PDE4D: variants seen among roughly 807,000 people sequenced by gnomAD.
PDE4D encodes the protein 3',5'-cyclic-AMP phosphodiesterase 4D.
Under a neutral mutation model 87.4 loss-of-function variants are expected in PDE4D, and 24 were observed. The ratio of observed to expected loss-of-function variants is 0.27; its 90% CI spans 0.20 to 0.39. PDE4D has a LOEUF of 0.39. PDE4D is among the 10% of genes least tolerant of loss of function. The probability of loss-of-function intolerance (pLI) is 1.00; values close to 1 mark genes in which losing one functional copy is unlikely to be tolerated. For synonymous variants in PDE4D, 384 were observed against 383.2 expected (o/e 1.00, Z -0.02); for missense variants, 714 against 1,041.0 (o/e 0.69, Z 4.32).
intron 1 of PDE4D, among the ~76,000 whole-genome samples, chr5:59,668,851 A>AAGAG (rs1561441298): frequency 1.6e-4 from 12 of 75,820 alleles, no homozygotes; most frequent in Admixed American, 4.5e-4. Flanking sequence ...AAGAGGAAGA[A>AAGAG]GAAGAAGAAG....
At chr5:60,457,924 TGTTTA>T (rs1299866284) in intron 1 of PDE4D, among the ~76,000 whole-genome samples, 1 of 152,208 alleles carries the variant, frequency 6.6e-6, no homozygotes, top group Non-Finnish European at 1.5e-5. Context: ...CCGATTGATT[TGTTTA>T]TTCAGTTAAC....
chr5:60,382,275 T>A (rs1196445717), intron 1 of PDE4D, among the ~76,000 whole-genome samples: 1 of 152,178 alleles, frequency 6.6e-6, no homozygotes, highest in African/African-American at 2.4e-5. Context: ...TTCATGTATC[T>A]ATGTGGCTAA....
chr5:59,738,496 GAAT>G (rs1321009456), intron 1 of PDE4D, among the ~76,000 whole-genome samples: 1 of 151,926 alleles, frequency 6.6e-6, no homozygotes, highest in Non-Finnish European at 1.5e-5. Context: ...TGTCTCTTTT[GAAT>G]ACACACCTAT....
intron 1 of PDE4D, among the ~76,000 whole-genome samples, chr5:59,890,383 T>A (rs1213840243): frequency 2.0e-5 from 3 of 152,218 alleles, no homozygotes; most frequent in African/African-American, 7.2e-5. Flanking sequence ...CTTTCATAAG[T>A]ATTTATATGC....
intron 1 of PDE4D, among the ~76,000 whole-genome samples, chr5:59,863,291 T>C (rs561864996): frequency 6.6e-6 from 1 of 152,308 alleles, no homozygotes; most frequent in Non-Finnish European, 1.5e-5. Context: ...AGAGTATATT[T>C]TCCTTTTATC....
intron 1 of PDE4D, among the ~76,000 whole-genome samples, chr5:60,226,932 C>T (rs1317403231): frequency 1.3e-5 from 2 of 151,992 alleles, no homozygotes; most frequent in Non-Finnish European, 2.9e-5. Context: ...TAATTCTAAC[C>T]TCGCCATCCC....
At chr5:60,340,162 C>T (rs981247860) in intron 1 of PDE4D, among the ~76,000 whole-genome samples, 1 of 151,520 alleles carries the variant, frequency 6.6e-6, no homozygotes, top group Non-Finnish European at 1.5e-5. Flanking sequence ...GCCCACGGCG[C>T]GATGTTCAGG....
At chr5:59,304,104 G>A (rs1300691011) in intron 1 of PDE4D, among the ~76,000 whole-genome samples, 1 of 151,560 alleles carries the variant, frequency 6.6e-6, no homozygotes, top group African/African-American at 2.4e-5. Context: ...GAAGTCTCTC[G>A]ACTCCTTTGT....
chr5:59,215,975 A>G lies in PDE4D; in HGVS notation c.456-7T>C, dbSNP rs760903609. On this transcript the variant is annotated splice_region_variant and splice_polypyrimidine_tract_variant and intron_variant, in intron 1 of 14. Transcript: ENST00000340635. ...GCCATTGTCCACATCAAAACTGTAA[A>G]GGAAGGAGAAGGAATTATGTTGCTG... 8 of 1,594,640 alleles carry G rather than the reference A, an allele frequency of 5.0e-6. No individual in the cohort carries two copies. Among genetic ancestry groups the G allele is most frequent in the Non-Finnish European group, 6.0e-6 (7 of 1,166,170 alleles).
chr5:60,398,106 T>C (rs2961773), intron 1 of PDE4D, among the ~76,000 whole-genome samples: 1 of 152,132 alleles, frequency 6.6e-6, no homozygotes, highest in African/African-American at 2.4e-5. Context: ...TTTTTTAATC[T>C]TCTATGGTTG....
At position 59,684,100 on chromosome 5, in the gene PDE4D, A is replaced by G. The variant is rs16890103; in HGVS notation, c.455+209068T>C. Among the ~76,000 whole-genome samples the G allele has an allele frequency of 6.3e-3, 962 of 152,270 alleles. 11 individuals carry two copies. The highest frequency in any genetic ancestry group is 0.021 in the African/African-American group (881 of 41,556). On this transcript the variant is annotated intron_variant, in intron 1 of 14. Coordinates refer to ENST00000340635, the MANE Select transcript of PDE4D (RefSeq NM_001104631.2). ...AACCATGAACTTGAAAATGATGCCT[A>G]TTCAACTGTCAACTCCTAACGAGCT...
chr5:60,050,493 T>A (rs910666977), intron 2 of PDE4D, among the ~76,000 whole-genome samples: 8 of 152,152 alleles, frequency 5.3e-5, no homozygotes, highest in Non-Finnish European at 1.2e-4. Context: ...CCTGAGAGAT[T>A]TTGTCACCAC....
chr5:59,459,211 C>A (rs1452808072), intron 1 of PDE4D, among the ~76,000 whole-genome samples: 2 of 152,228 alleles, frequency 1.3e-5, no homozygotes, highest in African/African-American at 4.8e-5. Flanking sequence ...ACCAGGTGAA[C>A]TTTTTCTCCT....
At chr5:59,894,494 G>A (rs1751426767), upstream of PDE4D, among the ~76,000 whole-genome samples, 2 of 152,194 alleles carry the variant, frequency 1.3e-5, no homozygotes, top group Admixed American at 1.3e-4. Flanking sequence ...CAGGGAGAAT[G>A]CCCAATGTTT....
intron 3 of PDE4D, among the ~76,000 whole-genome samples, chr5:59,965,066 T>A (rs189965164): frequency 1.0e-3 from 159 of 152,298 alleles, no homozygotes; most frequent in African/African-American, 3.7e-3. Context: ...TGTGCCCATA[T>A]ACTCTACGTT....
At chr5:59,573,494 T>C (rs987790348) in intron 1 of PDE4D, among the ~76,000 whole-genome samples, 1 of 152,100 alleles carries the variant, frequency 6.6e-6, no homozygotes, top group African/African-American at 2.4e-5. Context: ...TTATGGAGTA[T>C]ACCCGCAGTT....
intron 2 of PDE4D, among the ~76,000 whole-genome samples, chr5:60,024,962 G>T (rs985514766): frequency 1.3e-5 from 2 of 152,088 alleles, no homozygotes; most frequent in African/African-American, 4.8e-5. Flanking sequence ...AAGGAAGGTA[G>T]AACTCCTGGC....
chr5:60,268,761 C>T, intron 1 of PDE4D, among the ~76,000 whole-genome samples: 1 of 152,142 alleles, frequency 6.6e-6, no homozygotes, highest in East Asian at 1.9e-4. Flanking sequence ...GGCAGATGTT[C>T]ATTTTTCTGA....
intron 1 of PDE4D, among the ~76,000 whole-genome samples, chr5:60,277,641 G>A (rs557079887): frequency 2.6e-5 from 4 of 152,168 alleles, no homozygotes; most frequent in African/African-American, 9.6e-5. Flanking sequence ...ACAAAAAAAG[G>A]TAACAATCTG....
Sources: allele counts gnomAD v4.1 joint callset (sites outside exome capture counted in the v4.1 genomes callset), GRCh38; gene constraint gnomAD v4.1.1; transcripts MANE v1.5; gene names NCBI Gene and HGNC (gene_info 2026-07-23, HGNC 2026-07-21).